Variants in DERA observed in about 807,000 individuals in gnomAD.
DERA encodes the protein deoxyribose-phosphate aldolase.
In DERA, 15 loss-of-function variants were observed where a neutral mutation model predicts 41.1. The observed-to-expected ratio is 0.37, with a 90% CI of 0.24 to 0.56. The LOEUF (loss-of-function observed/expected upper bound fraction) is 0.56, where lower values mean the gene tolerates loss of function less well. DERA is among the 20% of genes least tolerant of loss of function. The probability of loss-of-function intolerance (pLI) is 0.81; values close to 1 mark genes in which losing one functional copy is unlikely to be tolerated. For synonymous variants in DERA, 139 were observed against 137.4 expected, an observed-to-expected ratio of 1.01 and a Z score of -0.08; for missense variants, 396 against 403.4, an observed-to-expected ratio of 0.98 and a Z score of 0.16.
intron 5 of DERA, among the ~76,000 whole-genome samples, chr12:15,978,752 T>C (rs1369701395): frequency 6.6e-6 from 1 of 152,230 alleles, no homozygotes; most frequent in Non-Finnish European, 1.5e-5. Context: ...TGGTGTCCTC[T>C]GCTTTTGTAA....
chr12:15,917,123 T>C (rs1336541513), intron 1 of DERA, among the ~76,000 whole-genome samples: 1 of 152,162 alleles, frequency 6.6e-6, no homozygotes, highest in Non-Finnish European at 1.5e-5. Context: ...TAATACACCT[T>C]ACAAAGTCCC....
chr12:15,962,237 GTGTGTTTTCC>G (rs1225060114), intron 4 of DERA, among the ~76,000 whole-genome samples: 1 of 152,200 alleles, frequency 6.6e-6, no homozygotes, highest in Non-Finnish European at 1.5e-5. Context: ...GACTAATTAG[GTGTGTTTTCC>G]TCCTGCATTC....
chr12:15,974,807 AG>A (rs1212866228), intron 5 of DERA, among the ~76,000 whole-genome samples: 1 of 152,058 alleles, frequency 6.6e-6, no homozygotes, highest in Non-Finnish European at 1.5e-5. Context: ...TCTATACTTA[AG>A]AGTTGGCATT....
chr12:16,035,988 G>T lies in DERA; in HGVS notation c.751-244G>T, dbSNP rs985825413. 6.6e-6 allele frequency among the ~76,000 whole-genome samples: 1 copy of T among 152,112 alleles called. No individual in the cohort carries two copies. ...TCCAATAAGTGAAATGTTAATGAGGGTTATTAACCCTCACTAGTGTCTGTT... is the reference window on the plus strand; with the variant it reads ...TCCAATAAGTGAAATGTTAATGAGGTTTATTAACCCTCACTAGTGTCTGTT... On this transcript the variant is annotated intron_variant, in intron 7 of 8. Transcript: ENST00000428559. This position sits in a 1 kb window ranked among gnomAD's most constrained non-coding sequence, Gnocchi z 4.1.
chr12:15,944,417 C>T (rs1022835581), intron 1 of DERA, among the ~76,000 whole-genome samples: 3 of 152,092 alleles, frequency 2.0e-5, no homozygotes, highest in Non-Finnish European at 4.4e-5. Context: ...TAATGATTGC[C>T]CTTCTAACTG....
chr12:15,920,950 GC>G (rs1289900539), intron 1 of DERA, among the ~76,000 whole-genome samples: 2 of 152,198 alleles, frequency 1.3e-5, no homozygotes, highest in East Asian at 3.8e-4. Context: ...TACTGCAGGG[GC>G]AGAACCATGC....
chr12:15,977,572 C>T (rs1948706216), intron 5 of DERA, among the ~76,000 whole-genome samples: 1 of 152,238 alleles, frequency 6.6e-6, no homozygotes, highest in African/African-American at 2.4e-5. Context: ...CCTGCCTCAG[C>T]CTCCAGAGAG....
rs1179784762 is a variant in DERA at position 15,940,158 on chromosome 12, C to T, written c.32-16778C>T. The stretch of plus-strand genomic sequence containing the variant: ...TTTATAGTGGTAGTCACAACAATGT[C>T]AGTTATTTTATCTTCAGCAAAATAG... On this transcript the variant is annotated intron_variant, in intron 1 of 8. Coordinates refer to ENST00000428559, the MANE Select transcript of DERA (RefSeq NM_015954.4). This position sits in a 1 kb window ranked among gnomAD's most constrained non-coding sequence, Gnocchi z 5.1. Among the ~76,000 whole-genome samples the T allele has an allele frequency of 2.6e-5, 4 of 152,090 alleles. No homozygotes were observed. Among genetic ancestry groups the T allele is most frequent in the African/African-American group, 9.7e-5 (4 of 41,424 alleles).
chr12:15,969,748 T>C (rs1029842497), intron 5 of DERA, among the ~76,000 whole-genome samples: 4 of 152,224 alleles, frequency 2.6e-5, no homozygotes, highest in Non-Finnish European at 4.4e-5. Context: ...TGCTGATTTT[T>C]ACACAAGAAG....
At chr12:15,969,228 A>G (rs1948643944) in intron 5 of DERA, among the ~76,000 whole-genome samples, 2 of 152,206 alleles carry the variant, frequency 1.3e-5, no homozygotes, top group South Asian at 2.1e-4. Flanking sequence ...TTAAAAATTG[A>G]ATAGTTTCCA....
chr12:15,964,693 G>A (rs1406152775), intron 5 of DERA, among the ~76,000 whole-genome samples: 1 of 152,164 alleles, frequency 6.6e-6, no homozygotes, highest in Non-Finnish European at 1.5e-5. Context: ...AAACCTATAT[G>A]TCCTTTATAT....
rs1948307861 is a variant in DERA at position 15,929,000 on chromosome 12, C to G, written c.31+17586C>G. On this transcript the variant is annotated intron_variant, in intron 1 of 8. Transcript: ENST00000428559. The surrounding 1 kb of genome is among the most constrained non-coding windows in gnomAD (Gnocchi z 4.6). ...TTCTCTGTGAAAACTGGACAGGAGT[C>G]AGCTCCTTTAGAGCACTGGCTCAGC... Among the ~76,000 whole-genome samples the G allele has an allele frequency of 6.6e-6, 1 of 152,190 alleles. No homozygotes were observed. Among genetic ancestry groups the G allele is most frequent in the African/African-American group, 2.4e-5 (1 of 41,452 alleles).
Position 15,966,355 on chromosome 12 carries a change from T to C in DERA, c.508+3408T>C, listed in dbSNP as rs1948622958. Among the ~76,000 whole-genome samples the C allele has an allele frequency of 6.6e-6, 1 of 152,036 alleles. No homozygotes were observed. The highest frequency in any genetic ancestry group is 2.4e-5 in the African/African-American group (1 of 41,390). On this transcript the variant is annotated intron_variant, in intron 5 of 8. Transcript: ENST00000428559. This position sits in a 1 kb window ranked among gnomAD's most constrained non-coding sequence, Gnocchi z 5.1. ...GGCACATGCCTGTAATCCCAGCTACTCTGGAGGCTGAGGTGAGCGAATTGC... is the reference window on the plus strand; with the variant it reads ...GGCACATGCCTGTAATCCCAGCTACCCTGGAGGCTGAGGTGAGCGAATTGC...
At position 16,020,351 on chromosome 12, in the gene DERA, C is replaced by CA. The variant is rs1231077095; in HGVS notation, c.638-12190dup. 6.6e-6 allele frequency among the ~76,000 whole-genome samples: 1 copy of CA among 152,098 alleles called. No individual in the cohort carries two copies. Among genetic ancestry groups the CA allele is most frequent in the East Asian group, 1.9e-4 (1 of 5,176 alleles). Reference sequence around the variant, plus strand: ...TCATATTAACTCACTATTGCGAGAACAGCACGAAAGGGGAAATCTACCCCC... The same window carrying CA: ...TCATATTAACTCACTATTGCGAGAACAAGCACGAAAGGGGAAATCTACCCCC... On this transcript the variant is annotated intron_variant, in intron 6 of 8. Coordinates refer to ENST00000428559, the MANE Select transcript of DERA (RefSeq NM_015954.4). This position sits in a 1 kb window ranked among gnomAD's most constrained non-coding sequence, Gnocchi z 5.5.
At chr12:15,946,336 C>T (rs569659765) in intron 1 of DERA, among the ~76,000 whole-genome samples, 95 of 152,240 alleles carry the variant, frequency 6.2e-4, no homozygotes, top group African/African-American at 2.1e-3. Context: ...TGGTAGAATT[C>T]GGCTGTGAAT....
At chr12:15,969,093 T>C (rs886257572) in intron 5 of DERA, among the ~76,000 whole-genome samples, 1 of 152,232 alleles carries the variant, frequency 6.6e-6, no homozygotes, top group African/African-American at 2.4e-5. Context: ...GATTAGTACA[T>C]GTAATACAGT....
intron 1 of DERA, among the ~76,000 whole-genome samples, chr12:15,948,398 GT>G (rs1203439024): frequency 1.3e-5 from 2 of 152,076 alleles, no homozygotes; most frequent in African/African-American, 2.4e-5. Flanking sequence ...GGCTTTGTTT[GT>G]TTCTTTTTAC....
At chr12:15,917,778 T>A (rs962585766) in intron 1 of DERA, among the ~76,000 whole-genome samples, 1 of 152,144 alleles carries the variant, frequency 6.6e-6, no homozygotes, top group African/African-American at 2.4e-5. Context: ...AACAAGGTAT[T>A]TCTGGCTTAT....
Position 15,968,506 on chromosome 12 carries a change from A to G in DERA, c.508+5559A>G, listed in dbSNP as rs1948639054. Among the ~76,000 whole-genome samples the G allele has an allele frequency of 2.0e-5, 3 of 152,208 alleles. No homozygotes were observed. In the South Asian group the frequency reaches 6.2e-4, roughly 32 times the overall value. On this transcript the variant is annotated intron_variant, in intron 5 of 8. Transcript: ENST00000428559. ...GCCACCCAGTCATTGCTGGTGTCAC[A>G]GTCAGACCCAGAACAAATGCACCAT... is the stretch of plus-strand genomic sequence containing the variant.
Sources: gnomAD v4.1 joint callset for allele counts (sites outside exome capture counted in the v4.1 genomes callset) on GRCh38, gnomAD v4.1.1 for gene constraint, Gnocchi (gnomAD v3.1) non-coding constraint, MANE v1.5 for transcripts, NCBI Gene and HGNC (gene_info 2026-07-23, HGNC 2026-07-21) for gene names.